Variants in KCND3 observed in about 807,000 individuals in gnomAD.
KCND3 encodes the protein potassium voltage-gated channel subfamily D member 3, also known as A-type voltage-gated potassium channel KCND3.
A neutral mutation model predicts 51.1 loss-of-function variants in KCND3; 9 were observed. The ratio of observed to expected loss-of-function variants is 0.18; its 90% CI spans 0.11 to 0.31. The LOEUF is 0.31. Ranked by LOEUF, KCND3 falls within the 10% of genes least tolerant of loss-of-function variation. The probability of loss-of-function intolerance (pLI) is 1.00; values close to 1 mark genes in which losing one functional copy is unlikely to be tolerated. For missense variants in KCND3, 526 were observed against 903.8 expected (o/e 0.58, Z 5.36); for synonymous variants, 349 against 368.0 (o/e 0.95, Z 0.59).
At chr1:111,972,295 CCCA>C (rs2101964844) in intron 2 of KCND3, among the ~76,000 whole-genome samples, 1 of 150,618 alleles carries the variant, frequency 6.6e-6, no homozygotes, top group Non-Finnish European at 1.5e-5. Context: ...GCCTCAGCCT[CCCA>C]AGTAGCTGGG....
At chr1:111,920,058 C>A (rs1368048070) in intron 2 of KCND3, among the ~76,000 whole-genome samples, 3 of 152,354 alleles carry the variant, frequency 2.0e-5, no homozygotes, top group South Asian at 4.1e-4. Flanking sequence ...CCCCAGGCCA[C>A]TGGACCAATG....
rs1381868927 is a variant in KCND3 at position 111,982,050 on chromosome 1, A to G, written c.677T>C (p.Phe226Ser). The change falls in exon 2 of 8, where the codon TTC becomes TCC. Residue 226 changes from phenylalanine (F) to serine (S), a missense_variant. Phe to Ser is a radical substitution (Grantham distance 155). This residue lies in a region of KCND3 where 51 missense variants were observed against 84.7 expected (regional missense o/e 0.60). Coordinates refer to ENST00000302127, the MANE Select transcript of KCND3 (RefSeq NM_001378969.1). The surrounding 1 kb of genome is among the most constrained non-coding windows in gnomAD (Gnocchi z 8.5). The part of the protein sequence containing the change: ...LPCGERYSVA[F>S]FCLDTACVMI... ...GACGCACGCCGTGTCCAGGCAGAAG[A>G]AGGCCACCGAGTAGCGCTCCCCGCA... The G allele has an allele frequency of 6.2e-7, 1 of 1,613,698 alleles. No homozygotes were observed. Among genetic ancestry groups the G allele is most frequent in the Non-Finnish European group, 8.5e-7 (1 of 1,179,960 alleles).
intron 2 of KCND3, among the ~76,000 whole-genome samples, chr1:111,924,295 G>C (rs1182324838): frequency 6.6e-6 from 1 of 152,198 alleles, no homozygotes; most frequent in Non-Finnish European, 1.5e-5. Flanking sequence ...TGCACTAAAT[G>C]CTGTAATACA....
In KCND3 at chr1:111,985,909, G is replaced by A. The variant is rs186946620; in HGVS notation, c.-72-3111C>T. 3.4e-3 allele frequency among the ~76,000 whole-genome samples: 517 copies of A among 152,280 alleles called. 5 individuals carry two copies. The highest frequency in any genetic ancestry group is 0.012 in the African/African-American group (494 of 41,526). The stretch of plus-strand genomic sequence containing the variant: ...AAAAACAGCACAGGCCTGATGAGCT[G>A]ATTACTGGAACTGAGGAACTGAGGA... On this transcript the variant is annotated intron_variant, in intron 1 of 7. Transcript: ENST00000302127.
intron 1 of KCND3, among the ~76,000 whole-genome samples, chr1:111,988,574 T>G (rs1675426781): frequency 6.6e-6 from 1 of 152,156 alleles, no homozygotes; most frequent in Non-Finnish European, 1.5e-5. Flanking sequence ...CCAGGAGCCC[T>G]TTCTACAGAC....
intron 7 of KCND3, 85 bp downstream of exon 7, chr1:111,776,941 C>G: frequency 6.3e-7 from 1 of 1,594,948 alleles, no homozygotes; most frequent in Non-Finnish European, 8.5e-7. Flanking sequence ...AGAGGATCCT[C>G]AAGGTTCTCC....
intron 2 of KCND3, among the ~76,000 whole-genome samples, chr1:111,885,768 T>C (rs1669543338): frequency 6.6e-6 from 1 of 151,986 alleles, no homozygotes; most frequent in Admixed American, 6.6e-5. Context: ...CGCCTTCTGG[T>C]TTCAAGCGAT....
intron 2 of KCND3, among the ~76,000 whole-genome samples, chr1:111,971,036 T>C (rs1251561326): frequency 1.3e-5 from 2 of 151,972 alleles, no homozygotes; most frequent in East Asian, 1.9e-4. Context: ...AGAGAAGTGG[T>C]GTCTTAAGTG....
intron 2 of KCND3, among the ~76,000 whole-genome samples, chr1:111,930,394 G>T (rs563824539): frequency 3.3e-5 from 5 of 152,322 alleles, no homozygotes; most frequent in African/African-American, 9.6e-5. Context: ...TTCATCCGTG[G>T]CTGGGAAAGC....
intron 2 of KCND3, among the ~76,000 whole-genome samples, chr1:111,871,179 C>T (rs1010776852): frequency 1.3e-5 from 2 of 152,138 alleles, no homozygotes; most frequent in Non-Finnish European, 2.9e-5. Context: ...TGTGAATGGC[C>T]TTGAGTTGCA....
chr1:111,945,421 G>C (rs1372223530), intron 2 of KCND3, among the ~76,000 whole-genome samples: 1 of 152,178 alleles, frequency 6.6e-6, no homozygotes, highest in African/African-American at 2.4e-5. Flanking sequence ...ACGGAGCACT[G>C]CCAGTTTCAG....
intron 2 of KCND3, among the ~76,000 whole-genome samples, chr1:111,951,156 GCAAAAAA>G (rs1673042034): frequency 9.4e-5 from 1 of 10,600 alleles, no homozygotes; most frequent in African/African-American, 4.7e-4. Context: ...GCAAACAAGA[GCAAAAAA>G]AAAAAAAAAA....
chr1:111,779,649 C>T (rs1325992726), intron 5 of KCND3, among the ~76,000 whole-genome samples: 1 of 131,424 alleles, frequency 7.6e-6, no homozygotes, highest in African/African-American at 2.8e-5. Context: ...TCTGTTTTAA[C>T]AATCAGCCTG....
chr1:111,848,987 C>G (rs1018276486), intron 2 of KCND3, among the ~76,000 whole-genome samples: 1 of 152,146 alleles, frequency 6.6e-6, no homozygotes, highest in Non-Finnish European at 1.5e-5. Context: ...TCCTGCCCCT[C>G]CCTCTCCTTT....
chr1:111,821,113 C>G (rs958837780), intron 2 of KCND3, among the ~76,000 whole-genome samples: 2 of 152,210 alleles, frequency 1.3e-5, no homozygotes, highest in Non-Finnish European at 2.9e-5. Flanking sequence ...TCTGTTTTTA[C>G]CCTTCTCATT....
At chr1:111,954,823 C>T (rs1182847806) in intron 2 of KCND3, among the ~76,000 whole-genome samples, 2 of 152,178 alleles carry the variant, frequency 1.3e-5, no homozygotes, top group African/African-American at 2.4e-5. Flanking sequence ...GGGGCATTTC[C>T]TTTGGTTTCT....
intron 2 of KCND3, among the ~76,000 whole-genome samples, chr1:111,879,845 C>A (rs1021238488): frequency 2.6e-5 from 4 of 152,160 alleles, no homozygotes; most frequent in Non-Finnish European, 4.4e-5. Flanking sequence ...CCAGGACAGG[C>A]TGGTGCGGTA....
intron 2 of KCND3, among the ~76,000 whole-genome samples, chr1:111,911,613 T>G (rs975222912): frequency 1.3e-5 from 2 of 152,200 alleles, no homozygotes; most frequent in African/African-American, 4.8e-5. Flanking sequence ...GGCTCAAATT[T>G]GGACTACACC....
At chr1:111,838,507 A>C (rs1374723889) in intron 2 of KCND3, among the ~76,000 whole-genome samples, 1 of 152,086 alleles carries the variant, frequency 6.6e-6, no homozygotes, top group African/African-American at 2.4e-5. Flanking sequence ...AATACAAAAA[A>C]TTAGCCGGGC....
Sources: allele counts gnomAD v4.1 joint callset (sites outside exome capture counted in the v4.1 genomes callset), GRCh38; gene constraint gnomAD v4.1.1; regional missense constraint gnomAD v4.1.1; non-coding constraint Gnocchi (gnomAD v3.1); transcripts MANE v1.5; gene names NCBI Gene and HGNC (gene_info 2026-07-23, HGNC 2026-07-21).